DARS2: variants seen among roughly 807,000 people sequenced by gnomAD.
DARS2 encodes aspartyl-tRNA synthetase 2, mitochondrial.
A neutral mutation model predicts 83.0 loss-of-function variants in DARS2; 63 were observed. That is an observed-to-expected ratio of 0.76 (90% confidence interval 0.62 to 0.94). The LOEUF is 0.94. Ranked by LOEUF, DARS2 falls within the 40% of genes least tolerant of loss-of-function variation. DARS2 has a pLI of 0.00. For missense variants in DARS2, 675 were observed against 774.4 expected (o/e 0.87, Z 1.52); for synonymous variants, 250 against 269.3 (o/e 0.93, Z 0.70).
At chr1:173,826,647 T>C in intron 1 of DARS2, 40 bp from the exon 2 acceptor site, 1 of 1,477,124 alleles carries the variant, frequency 6.8e-7, no homozygotes, top group Non-Finnish European at 9.3e-7. Flanking sequence ...GTATTTTTAA[T>C]CTTGCCTTTT....
rs1166986029 is a variant in DARS2, at chr1:173,857,904, AT to A, written c.*207del. The A allele has an allele frequency of 3.5e-5, 22 of 628,488 alleles. No homozygotes were observed. Among genetic ancestry groups the A allele is most frequent in the Non-Finnish European group, 4.6e-5 (17 of 366,612 alleles). The allele number at this position is 628,488 out of a possible 1,614,324, so 38.9% of individuals were successfully genotyped here. On this transcript the variant is annotated 3_prime_UTR_variant, in exon 17 of 17. Coordinates refer to ENST00000649689, the MANE Select transcript of DARS2 (RefSeq NM_018122.5). Reference sequence around the variant, plus strand: ...TGACTTGATTTCATGCATCATTTGGATTTTTTTTGGTTAGGACTTTTTTTGA... The same window carrying A: ...TGACTTGATTTCATGCATCATTTGGATTTTTTTGGTTAGGACTTTTTTTGA...
At chr1:173,842,284 C>A (rs374730443) in intron 11 of DARS2, among the ~76,000 whole-genome samples, 1 of 64,224 alleles carries the variant, frequency 1.6e-5, no homozygotes, top group African/African-American at 6.7e-5. Context: ...TCATTACTTT[C>A]TTTTTTTTTT....
chr1:173,844,529 G>A (rs1275061637), intron 11 of DARS2, among the ~76,000 whole-genome samples: 4 of 151,628 alleles, frequency 2.6e-5, no homozygotes, highest in African/African-American at 9.7e-5. Context: ...AATTAGCCAG[G>A]TGTGGTGGTG....
chr1:173,857,048 A>G (rs1653882024), intron 16 of DARS2, among the ~76,000 whole-genome samples: 1 of 152,140 alleles, frequency 6.6e-6, no homozygotes, highest in African/African-American at 2.4e-5. Context: ...ACTGCTCCAT[A>G]ATGTTCAGCT....
chr1:173,853,562 A>C lies in DARS2; in HGVS notation c.1558A>C (p.Lys520Gln), dbSNP rs201876507. 217 of 1,613,920 alleles carry C rather than the reference A, an allele frequency of 1.3e-4. No homozygotes were observed. The highest frequency in any genetic ancestry group is 1.7e-4 in the Non-Finnish European group (206 of 1,179,832). ...SDIHLLYTEPKKARSQHYDLV... is the reference protein window; with the variant it reads ...SDIHLLYTEPQKARSQHYDLV... ...CATACATCTCCTGTACACTGAGCCC[A>C]AAAAGGTACCGTATCTATACTTCCA... is the stretch of plus-strand genomic sequence containing the variant. Residue 520 changes from lysine (K) to glutamine (Q), a missense_variant, in exon 14 of 17, where the codon AAA (lysine) becomes CAA (glutamine). Coordinates refer to ENST00000649689, the MANE Select transcript of DARS2 (RefSeq NM_018122.5).
chr1:173,832,395 G>T (rs1409769060), intron 5 of DARS2, among the ~76,000 whole-genome samples: 1 of 152,144 alleles, frequency 6.6e-6, no homozygotes, highest in African/African-American at 2.4e-5. Flanking sequence ...GTTTTCCCCA[G>T]ATGAGCATTC....
chr1:173,849,112 CTT>C (rs1348832345), intron 12 of DARS2, among the ~76,000 whole-genome samples: 4 of 143,586 alleles, frequency 2.8e-5, no homozygotes, highest in African/African-American at 1.0e-4. Context: ...TGGTCCATAA[CTT>C]ATGTTTTCTC....
In DARS2 at chr1:173,826,665, C is replaced by CTT. The variant is rs746151025; in HGVS notation, c.128-6_128-5dup. On this transcript the variant is annotated intron_variant, in intron 1 of 16. Coordinates refer to ENST00000649689, the MANE Select transcript of DARS2 (RefSeq NM_018122.5). ...TTTTTAATCTTGCCTTTTAAAGTTT[C>CTT]TTTTTTTTTTTTTTTTTAAAGAATT... The CTT allele has an allele frequency of 2.5e-3, 3,164 of 1,254,244 alleles. 8 individuals carry two copies. The highest frequency in any genetic ancestry group is 0.02 in the African/African-American group (1,214 of 60,038). 77.7% of individuals were successfully genotyped at this position (1,254,244 alleles called of 1,614,324 possible). A position where few individuals can be genotyped will look rare whatever the true frequency, so the allele number is the denominator to read the frequency against.
intron 15 of DARS2, 42 bp downstream of exon 15, chr1:173,853,947 A>C: frequency 6.5e-7 from 1 of 1,528,832 alleles, no homozygotes; most frequent in Non-Finnish European, 9.1e-7. Flanking sequence ...TTTTTTTACC[A>C]GAATATTTTT....
chr1:173,844,491 G>A (rs1244517177), intron 11 of DARS2, among the ~76,000 whole-genome samples: 2 of 151,572 alleles, frequency 1.3e-5, no homozygotes, highest in African/African-American at 2.4e-5. Context: ...CCAATATGGT[G>A]AAACCCCATC....
chr1:173,833,391 C>T lies in DARS2; in HGVS notation c.508C>T (p.Arg170Trp), dbSNP rs776515724. The T allele has an allele frequency of 1.6e-5, 26 of 1,607,182 alleles. No homozygotes were observed. The highest frequency in any genetic ancestry group is 2.0e-5 in the Non-Finnish European group (23 of 1,176,568). ...KNFVKKTEALRLQYRYLDLRS... is the reference protein window; with the variant it reads ...KNFVKKTEALWLQYRYLDLRS... ...ATTTCTTTAGAAAACAGAGGCTCTT[C>T]GGTTGCAGTATCGCTACTTAGACTT... Residue 170 changes from arginine (R) to tryptophan (W), a missense_variant, in exon 6 of 17, where the codon CGG (arginine) becomes TGG (tryptophan). Coordinates refer to ENST00000649689, the MANE Select transcript of DARS2 (RefSeq NM_018122.5).
At chr1:173,850,269 T>C in intron 12 of DARS2, 58 bp from the exon 13 acceptor site, 1 of 1,502,462 alleles carries the variant, frequency 6.7e-7, no homozygotes, top group Non-Finnish European at 8.9e-7. Context: ...AGAAGATAAA[T>C]TAATCCCACT....
At chr1:173,852,380 T>A (rs1653706096) in intron 13 of DARS2, 1 of 508,710 alleles carries the variant, frequency 2.0e-6, no homozygotes, top group Non-Finnish European at 2.5e-6. Flanking sequence ...GTTGCTATTT[T>A]AAAAATAAGA....
At chr1:173,852,350 A>G (rs962673680) in intron 13 of DARS2, 2 of 651,208 alleles carry the variant, frequency 3.1e-6, no homozygotes, top group Non-Finnish European at 3.8e-6. Flanking sequence ...TGCCAACCCT[A>G]TGAAAGAAGT....
chr1:173,842,163 TA>T (rs1426139018), intron 11 of DARS2, among the ~76,000 whole-genome samples: 21 of 152,024 alleles, frequency 1.4e-4, no homozygotes, highest in African/African-American at 4.8e-4. Flanking sequence ...AATAATTTCA[TA>T]AGAAGTATTC....
chr1:173,853,236 G>A, intron 13 of DARS2, 113 bp from the exon 14 acceptor site: 2 of 1,008,758 alleles, frequency 2.0e-6, no homozygotes, highest in Non-Finnish European at 3.2e-6. Context: ...CATCCTATCT[G>A]TTAATTGGCT....
rs1379256619 is a variant in DARS2, at chr1:173,854,410, T to C, written c.1674+505T>C. On this transcript the variant is annotated intron_variant, in intron 15 of 16. Coordinates refer to ENST00000649689, the MANE Select transcript of DARS2 (RefSeq NM_018122.5). ...ATAATATTAAAAGTAAATAATAATATTAAATGCTTAAATAGTATCTGGCAC... is the reference window on the plus strand; with the variant it reads ...ATAATATTAAAAGTAAATAATAATACTAAATGCTTAAATAGTATCTGGCAC... Among the ~76,000 whole-genome samples the C allele has an allele frequency of 2.6e-5, 4 of 152,174 alleles. No individual in the cohort carries two copies. The East Asian group carries it at 7.7e-4, about 29-fold the overall frequency.
chr1:173,856,032 C>T (rs542821476), intron 15 of DARS2, among the ~76,000 whole-genome samples: 10 of 152,180 alleles, frequency 6.6e-5, no homozygotes, highest in Non-Finnish European at 1.3e-4. Flanking sequence ...ATCAAATCAC[C>T]TGGAAAGCAT....
chr1:173,857,423 TATTTAA>T (rs996934815), intron 16 of DARS2, 89 bp from the exon 17 acceptor site: 1 of 1,285,478 alleles, frequency 7.8e-7, no homozygotes, highest in Admixed American at 1.8e-5. Context: ...TAAAGATTCT[TATTTAA>T]AAGTTTTCTA....
Sources: allele counts gnomAD v4.1 joint callset (sites outside exome capture counted in the v4.1 genomes callset), GRCh38; gene constraint gnomAD v4.1.1; transcripts MANE v1.5; gene names NCBI Gene and HGNC (gene_info 2026-07-23, HGNC 2026-07-21).